Variants in SPTBN2 observed in about 807,000 individuals in gnomAD.
The protein encoded by SPTBN2 is spectrin beta, non-erythrocytic 2.
In SPTBN2, 107 loss-of-function variants were observed where a neutral mutation model predicts 284.2. That is an observed-to-expected ratio of 0.38 (90% CI 0.32 to 0.44). The LOEUF is 0.44. Ranked by LOEUF, SPTBN2 falls within the 20% of genes least tolerant of loss-of-function variation. SPTBN2 has a pLI of 1.00. For synonymous variants in SPTBN2, 1,289 were observed against 1,354.8 expected (o/e 0.95, Z 1.07); for missense variants, 2,569 against 3,287.1 (o/e 0.78, Z 5.34).
In SPTBN2 at chr11:66,705,374, C is replaced by A. The variant is rs1228501068; in HGVS notation, c.1902G>T (p.Arg634=). ...EALCELAAAR[R]ARLEESRRLW... Reference sequence around the variant, plus strand: ...GCCGCCGTGATTCCTCCAGCCGGGCCCGCCGCGCCGCTGCCAACTCGCACA... The same window carrying A: ...GCCGCCGTGATTCCTCCAGCCGGGCACGCCGCGCCGCTGCCAACTCGCACA... The change falls in exon 15 of 38, where the codon CGG becomes CGT. Residue 634 remains arginine (R), a synonymous_variant. Coordinates refer to ENST00000533211, the MANE Select transcript of SPTBN2 (RefSeq NM_006946.4). The A allele has an allele frequency of 6.2e-7, 1 of 1,612,672 alleles. No homozygotes were observed. Among genetic ancestry groups the A allele is most frequent in the East Asian group, 2.2e-5 (1 of 44,876 alleles).
chr11:66,741,913 G>T (rs182354135), intron 1 of SPTBN2, among the ~76,000 whole-genome samples: 1 of 151,852 alleles, frequency 6.6e-6, no homozygotes, highest in Non-Finnish European at 1.5e-5. Context: ...CCTCCAACTC[G>T]AGGGGCTCGA....
intron 8 of SPTBN2, chr11:66,712,887 G>T (rs1941949043): frequency 6.5e-6 from 1 of 153,130 alleles, no homozygotes; most frequent in African/African-American, 2.4e-5. Flanking sequence ...CACCAGTGCT[G>T]AATTTAGTGT....
At position 66,718,523 on chromosome 11, in the gene SPTBN2, C is replaced by T. The variant is rs1160109625; in HGVS notation, c.158-2542G>A. ...GAAAGCAGCTGGTGAAAGCAGGAGG[C>T]CCCCGGGGTTGTGGGCCCCTTCCAC... On this transcript the variant is annotated intron_variant, in intron 3 of 37. Transcript: ENST00000533211. This position sits in a 1 kb window ranked among gnomAD's most constrained non-coding sequence, Gnocchi z 4.8. Among the ~76,000 whole-genome samples the T allele has an allele frequency of 6.6e-6, 1 of 152,180 alleles. No individual in the cohort carries two copies. The highest frequency in any genetic ancestry group is 1.5e-5 in the Non-Finnish European group (1 of 68,026).
At chr11:66,730,581 CAA>C (rs35527505), upstream of SPTBN2, among the ~76,000 whole-genome samples, 36 of 103,066 alleles carry the variant, frequency 3.5e-4, no homozygotes, top group Admixed American at 3.1e-4. Context: ...ACTCCATCTC[CAA>C]AAAAAAAAAA....
chr11:66,720,145 C>T (rs1942326889), intron 3 of SPTBN2, among the ~76,000 whole-genome samples: 1 of 152,132 alleles, frequency 6.6e-6, no homozygotes, highest in Admixed American at 6.5e-5. Flanking sequence ...TCCTGTAAAA[C>T]ATGTGGCCAG....
chr11:66,734,345 G>A (rs1366006097), intron 1 of SPTBN2, among the ~76,000 whole-genome samples: 1 of 152,012 alleles, frequency 6.6e-6, no homozygotes, highest in East Asian at 1.9e-4. Flanking sequence ...CCCTTCAGTG[G>A]CTCCCCACTG....
At chr11:66,740,731 A>G (rs757193306) in intron 1 of SPTBN2, among the ~76,000 whole-genome samples, 8 of 152,186 alleles carry the variant, frequency 5.3e-5, no homozygotes, top group Non-Finnish European at 1.0e-4. Context: ...ACAGCTTAAT[A>G]GTTGCTTGGT....
rs763021473 is a variant in SPTBN2, at chr11:66,700,863, G to A, written c.3236C>T (p.Ala1079Val). ...DFLRSLDDFQ[A>V]WLGRTQTAVA... ...AGCAGTCTGAGTGCGGCCTAGCCAG[G>A]CCTGGAAGTCATCCAAGCTGCGCAA... Residue 1079 changes from alanine (A) to valine (V), a missense_variant, in exon 17 of 38, where the codon GCC becomes GTC. Ala to Val is a moderately conservative substitution (Grantham distance 64, BLOSUM62 0). Transcript: ENST00000533211. The surrounding 1 kb of genome is among the most constrained non-coding windows in gnomAD (Gnocchi z 6.6). 6.2e-7 allele frequency: 1 copy of A among 1,600,126 alleles called. No individual in the cohort carries two copies. Among genetic ancestry groups the A allele is most frequent in the East Asian group, 2.2e-5 (1 of 44,868 alleles).
chr11:66,710,774 G>A lies in SPTBN2; in HGVS notation c.886-5C>T. The A allele has an allele frequency of 1.9e-6, 3 of 1,613,798 alleles. No homozygotes were observed. The highest frequency in any genetic ancestry group is 2.5e-6 in the Non-Finnish European group (3 of 1,180,020). On this transcript the variant is annotated splice_polypyrimidine_tract_variant and splice_region_variant and intron_variant, in intron 9 of 37. Transcript: ENST00000533211. The surrounding 1 kb of genome is among the most constrained non-coding windows in gnomAD (Gnocchi z 4.9). ...CTCCATGGCATGGTCCAGCACCTGGGAGGCAGAAGACAGGGACGTGACAGT... is the reference window on the plus strand; with the variant it reads ...CTCCATGGCATGGTCCAGCACCTGGAAGGCAGAAGACAGGGACGTGACAGT...
rs1350924903 is a variant in SPTBN2, at chr11:66,704,954, C to T, written c.2322G>A (p.Glu774=). 6.2e-7 allele frequency: 1 copy of T among 1,610,086 alleles called. No homozygotes were observed. The highest frequency in any genetic ancestry group is 8.5e-7 in the Non-Finnish European group (1 of 1,179,884). Residue 774 remains glutamate, a synonymous_variant, in exon 15 of 38, where the codon GAG becomes GAA. Transcript: ENST00000533211. ...GCGTGGAGAACTCGTCGTGCCCCAG[C>T]TCGGGGCTGGACACCAGGCGCAGTG... ...VDALRLVSSP[E]LGHDEFSTQA...
intron 10 of SPTBN2, 28 bp from the exon 11 acceptor site, chr11:66,709,047 G>A (rs756064346): frequency 3.1e-6 from 5 of 1,590,996 alleles, no homozygotes; most frequent in Non-Finnish European, 4.3e-6. Flanking sequence ...GTTGGGGTCA[G>A]AATTAAAGCC....
chr11:66,724,213 G>T (rs539116449), intron 1 of SPTBN2, among the ~76,000 whole-genome samples: 4 of 152,220 alleles, frequency 2.6e-5, no homozygotes, highest in Non-Finnish European at 5.9e-5. Flanking sequence ...CTGAGGTCAG[G>T]AGTTCGACAG....
rs772102839 is a variant in SPTBN2, at chr11:66,698,978, C to T, written c.3867+14G>A. On this transcript the variant is annotated intron_variant, in intron 19 of 37. Coordinates refer to ENST00000533211, the MANE Select transcript of SPTBN2 (RefSeq NM_006946.4). ...GATGGCTAGGGAATATCCCGGGGCCCCAGGGAGCCTCACCTCGTGACAATC... is the reference window on the plus strand; with the variant it reads ...GATGGCTAGGGAATATCCCGGGGCCTCAGGGAGCCTCACCTCGTGACAATC... The T allele has an allele frequency of 6.2e-7, 1 of 1,614,118 alleles. No individual in the cohort carries two copies. Among genetic ancestry groups the T allele is most frequent in the Non-Finnish European group, 8.5e-7 (1 of 1,180,010 alleles).
At chr11:66,723,059 C>T (rs75871969) in intron 1 of SPTBN2, among the ~76,000 whole-genome samples, 77 of 152,228 alleles carry the variant, frequency 5.1e-4, no homozygotes, top group African/African-American at 1.9e-3. Flanking sequence ...GTCTTAGAGG[C>T]TCATCCCAGA....
intron 1 of SPTBN2, among the ~76,000 whole-genome samples, chr11:66,725,728 G>C (rs967891572): frequency 6.6e-6 from 1 of 152,188 alleles, no homozygotes; most frequent in African/African-American, 2.4e-5. Flanking sequence ...GCCAACCCCC[G>C]CCGGCTGCAG....
chr11:66,733,724 T>G (rs1051949202), upstream of SPTBN2, among the ~76,000 whole-genome samples: 5 of 152,180 alleles, frequency 3.3e-5, no homozygotes, highest in Non-Finnish European at 7.4e-5. Context: ...CTTAATCCAA[T>G]GCAACAGAAC....
chr11:66,715,379 C>A lies in SPTBN2; in HGVS notation c.326G>T (p.Gly109Val). 6.2e-7 allele frequency: 1 copy of A among 1,613,344 alleles called. No individual in the cohort carries two copies. The highest frequency in any genetic ancestry group is 8.5e-7 in the Non-Finnish European group (1 of 1,179,350). Residue 109 changes from glycine (G) to valine (V), a missense_variant, in exon 5 of 38, where the codon GGC (glycine) becomes GTC (valine). This residue lies in a region of SPTBN2 where 304 missense variants were observed against 522.1 expected (regional missense o/e 0.58). Transcript: ENST00000533211. The surrounding 1 kb of genome is among the most constrained non-coding windows in gnomAD (Gnocchi z 5.3). ...SGEILPKPTK[G>V]RMRIHCLENV... ...CTCCAGGCAGTGGATCCGCATGCGG[C>A]CCTTTGTAGGCTTTGGCTGTGGAGG... is the stretch of plus-strand genomic sequence containing the variant.
At chr11:66,730,784 A>G (rs1942798642), upstream of SPTBN2, among the ~76,000 whole-genome samples, 1 of 152,200 alleles carries the variant, frequency 6.6e-6, no homozygotes, top group South Asian at 2.1e-4. Flanking sequence ...GCATTTCATA[A>G]TCCTTCAAGA....
chr11:66,716,799 G>A (rs1398842976), intron 3 of SPTBN2, among the ~76,000 whole-genome samples: 8 of 152,248 alleles, frequency 5.3e-5, no homozygotes. Flanking sequence ...GCCCGAAGGA[G>A]AGCAAGAGCT....
Sources: gnomAD v4.1 joint callset for allele counts (sites outside exome capture counted in the v4.1 genomes callset) on GRCh38, gnomAD v4.1.1 for gene constraint, gnomAD v4.1.1 regional missense constraint, Gnocchi (gnomAD v3.1) non-coding constraint, MANE v1.5 for transcripts, NCBI Gene and HGNC (gene_info 2026-07-23, HGNC 2026-07-21) for gene names.